KIR3DL1: variants seen among roughly 807,000 people sequenced by gnomAD.
KIR3DL1 encodes the protein killer cell immunoglobulin-like receptor 3DL1.
A neutral mutation model predicts 40.3 loss-of-function variants in KIR3DL1; 50 were observed. The ratio of observed to expected loss-of-function variants is 1.24; its 90% CI spans 0.99 to 1.57. KIR3DL1 has a LOEUF of 1.57. Among genes scored for constraint, KIR3DL1 ranks in the 40% most tolerant of loss-of-function variants. The pLI is 0.00. For missense variants in KIR3DL1, 661 were observed against 559.9 expected (o/e 1.18, Z -1.82); for synonymous variants, 257 against 207.2 (o/e 1.24, Z -2.07).
At position 54,821,029 on chromosome 19, in the gene KIR3DL1, T is replaced by C. The variant is rs146422872; in HGVS notation, c.656-536T>C. 3.4e-3 allele frequency among the ~76,000 whole-genome samples: 508 copies of C among 147,466 alleles called. 22 individuals carry two copies. Among genetic ancestry groups the C allele is most frequent in the African/African-American group, 0.012 (490 of 40,350 alleles). ...GATGACGATGATGATGATAGACACA[T>C]AGATATATACATAGATGATACATAA... On this transcript the variant is annotated intron_variant, in intron 4 of 8. Transcript: ENST00000391728.
chr19:54,827,523 G>C (rs1478261769), intron 6 of KIR3DL1, among the ~76,000 whole-genome samples: 7 of 150,686 alleles, frequency 4.6e-5, no homozygotes. Context: ...GATGAAGCAG[G>C]AGAATGACTT....
At chr19:54,828,937 G>A (rs1299162167) in intron 6 of KIR3DL1, among the ~76,000 whole-genome samples, 1 of 141,264 alleles carries the variant, frequency 7.1e-6, no homozygotes, top group African/African-American at 2.5e-5. Context: ...AAGAGAGGGA[G>A]CAAGGGGGAG....
rs1359830395 is a variant in KIR3DL1, at chr19:54,830,125, G to C, written c.1185G>C (p.Glu395Asp). The change falls in exon 9 of 9, where the codon GAG (glutamate) becomes GAC (aspartate). Residue 395 changes from glutamate to aspartate, a missense_variant. By Grantham distance (45) the Glu-to-Asp change is conservative. This residue lies in a region of KIR3DL1 where 107 missense variants were observed against 129.4 expected (regional missense o/e 0.83). Transcript: ENST00000391728. Reference sequence around the variant, plus strand: ...ACTCTGATGAACAAGACCCTGAGGAGGTGACATACGCACAGTTGGATCACT... The same window carrying C: ...ACTCTGATGAACAAGACCCTGAGGACGTGACATACGCACAGTTGGATCACT... The C allele has an allele frequency of 4.6e-6, 7 of 1,524,222 alleles. 2 individuals are homozygous for C. The highest frequency in any genetic ancestry group is 6.2e-6 in the Non-Finnish European group (7 of 1,122,808). The allele number at this position is 1,524,222 out of a possible 1,614,324, so 94.4% of individuals were successfully genotyped here. A position where few individuals can be genotyped will look rare whatever the true frequency, so the allele number is the denominator to read the frequency against.
At chr19:54,825,521 C>T (rs796642743) in intron 6 of KIR3DL1, among the ~76,000 whole-genome samples, 40 of 148,286 alleles carry the variant, frequency 2.7e-4, no homozygotes, top group South Asian at 6.5e-4. Context: ...AGAGCCTTGC[C>T]GTAACAGAGA....
exon 3 of KIR3DL1, chr19:54,818,541 C>A (rs368539381): frequency 1.4e-5 from 23 of 1,611,500 alleles, no homozygotes; most frequent in Non-Finnish European, 1.9e-5. Context: ...GGGGTTCACA[C>A]CCACACTCCC....
exon 4 of KIR3DL1, chr19:54,819,991 C>A: frequency 3.1e-6 from 5 of 1,610,840 alleles, no homozygotes; most frequent in Non-Finnish European, 4.2e-6. Flanking sequence ...TCCCAGTGAT[C>A]CCCTGGACAT....
At chr19:54,819,485 C>A (rs1281368579) in intron 3 of KIR3DL1, among the ~76,000 whole-genome samples, 3 of 151,200 alleles carry the variant, frequency 2.0e-5, no homozygotes, top group Non-Finnish European at 2.9e-5. Context: ...ATGAGGCTGT[C>A]TTCACAGTGG....
At chr19:54,828,000 A>C (rs4806575) in intron 6 of KIR3DL1, among the ~76,000 whole-genome samples, 9 of 150,226 alleles carry the variant, frequency 6.0e-5, no homozygotes, top group Admixed American at 5.3e-4. Flanking sequence ...ATCAGAGATC[A>C]GTGCCAGCAC....
exon 9 of KIR3DL1, chr19:54,830,576 A>G (rs1463292547): frequency 4.8e-6 from 2 of 418,990 alleles, no homozygotes; most frequent in African/African-American, 2.0e-5. Flanking sequence ...TGAGGCTGCA[A>G]TCACACTGAG....
exon 3 of KIR3DL1, chr19:54,818,442 C>A (rs756535537): frequency 1.9e-6 from 3 of 1,607,112 alleles, no homozygotes; most frequent in Admixed American, 1.7e-5. Flanking sequence ...AAGACAGAAT[C>A]CACATTCCCA....
chr19:54,819,754 C>A, exon 4 of KIR3DL1: 1 of 1,610,364 alleles, frequency 6.2e-7, no homozygotes, highest in East Asian at 2.2e-5. Context: ...CCCAGGTCCC[C>A]TGGTGAAATC....
chr19:54,830,328 C>G lies in KIR3DL1; in HGVS notation c.*53C>G. 4 of 1,491,092 alleles carry G rather than the reference C, an allele frequency of 2.7e-6. 1 individual carries two copies. The highest frequency in any genetic ancestry group is 3.7e-6 in the Non-Finnish European group (4 of 1,093,120). 92.4% of individuals were successfully genotyped at this position (1,491,092 alleles called of 1,614,324 possible). A position where few individuals can be genotyped will look rare whatever the true frequency, so the allele number is the denominator to read the frequency against. ...TTCTAGGGAGACAACAGCCCTGTCT[C>G]AAAACCGAGTTGCCAGCTCCCATGT... On this transcript the variant is annotated 3_prime_UTR_variant, in exon 9 of 9. Coordinates refer to ENST00000391728, the Ensembl canonical transcript of KIR3DL1.
chr19:54,827,211 G>C (rs1181089367), intron 6 of KIR3DL1, among the ~76,000 whole-genome samples: 17 of 151,554 alleles, frequency 1.1e-4, no homozygotes, highest in African/African-American at 3.9e-4. Context: ...TTCTTTCTGA[G>C]ATTTATTCCT....
chr19:54,830,618 C>T, exon 9 of KIR3DL1: 1 of 327,874 alleles, frequency 3.0e-6, no homozygotes, highest in Admixed American at 4.8e-5. Context: ...CAAGAGGCTC[C>T]CTCTTGACGT....
At position 54,818,511 on chromosome 19, in the gene KIR3DL1, T is replaced by G. The variant is rs765678495; in HGVS notation, c.267T>G (p.His89Gln). 2.5e-6 allele frequency: 4 copies of G among 1,611,402 alleles called. No homozygotes were observed. In the South Asian group the frequency reaches 3.3e-5, roughly 13 times the overall value. Reference sequence around the variant, plus strand: ...ACATGAGCCCTGTGACCACAGCACATGCAGGGAACTACACATGTCGGGGTT... The same window carrying G: ...ACATGAGCCCTGTGACCACAGCACAGGCAGGGAACTACACATGTCGGGGTT... Residue 89 changes from histidine (H) to glutamine (Q), a missense_variant, in exon 3 of 9, where the codon CAT (histidine) becomes CAG (glutamine). This residue lies in a region of KIR3DL1 where 548 missense variants were observed against 413.3 expected (regional missense o/e 1.33). Coordinates refer to ENST00000391728, the Ensembl canonical transcript of KIR3DL1.
intron 4 of KIR3DL1, 121 bp from the exon 5 acceptor site, chr19:54,821,444 G>C: frequency 8.0e-7 from 1 of 1,245,736 alleles, no homozygotes; most frequent in Non-Finnish European, 1.1e-6. Context: ...ATGGGGTGGA[G>C]GGTGAGAGAG....
intron 5 of KIR3DL1, among the ~76,000 whole-genome samples, chr19:54,824,312 C>A (rs1267213628): frequency 6.6e-6 from 1 of 151,318 alleles, no homozygotes; most frequent in Non-Finnish European, 1.5e-5. Context: ...TGTAGATATC[C>A]AGTTTTCCCC....
At chr19:54,830,208 C>T in exon 9 of KIR3DL1, 3 of 1,524,270 alleles carry the variant, frequency 2.0e-6, no homozygotes, top group Non-Finnish European at 2.7e-6. Context: ...ACACCCCCTA[C>T]AGATACCATC....
At chr19:54,817,630 G>T in intron 2 of KIR3DL1, 61 bp downstream of exon 2, 1 of 1,354,122 alleles carries the variant, frequency 7.4e-7, no homozygotes, top group Non-Finnish European at 1.0e-6. Flanking sequence ...TTCCTGAAAT[G>T]GGAGGGAAGT....
Sources: allele counts gnomAD v4.1 joint callset (sites outside exome capture counted in the v4.1 genomes callset), GRCh38; gene constraint gnomAD v4.1.1; regional missense constraint gnomAD v4.1.1; transcripts MANE v1.5; gene names NCBI Gene and HGNC (gene_info 2026-07-23, HGNC 2026-07-21).